COL18A1: variants seen among roughly 807,000 people sequenced by gnomAD.
The protein encoded by COL18A1 is collagen alpha-1(XVIII) chain.
A neutral mutation model predicts 168.0 loss-of-function variants in COL18A1; 133 were observed. The observed-to-expected ratio is 0.79, with a 90% CI of 0.69 to 0.91. COL18A1 has a LOEUF of 0.91. Among genes scored for constraint, COL18A1 ranks in the 40% least tolerant of loss-of-function variants. COL18A1 has a pLI of 0.00. For synonymous variants in COL18A1, 949 were observed against 809.0 expected, an observed-to-expected ratio of 1.17 and a Z score of -2.94; for missense variants, 2,126 against 1,925.4, an observed-to-expected ratio of 1.10 and a Z score of -1.95.
intron 2 of COL18A1, among the ~76,000 whole-genome samples, chr21:45,408,968 C>T (rs1569272187): frequency 6.6e-6 from 1 of 152,242 alleles, no homozygotes; most frequent in Non-Finnish European, 1.5e-5. Context: ...CCAACTGGGC[C>T]TTTGTGCCGG....
At position 45,457,651 on chromosome 21, in the gene COL18A1, G is replaced by A. The variant is rs755305688; in HGVS notation, c.107-10591G>A. Among the ~76,000 whole-genome samples the A allele has an allele frequency of 7.2e-5, 11 of 152,310 alleles. No individual in the cohort carries two copies. The highest frequency in any genetic ancestry group is 3.4e-3 in the Middle Eastern group (1 of 294). On this transcript the variant is annotated intron_variant, in intron 2 of 41. Coordinates refer to ENST00000651438, the MANE Select transcript of COL18A1 (RefSeq NM_001379500.1). This position sits in a 1 kb window ranked among gnomAD's most constrained non-coding sequence, Gnocchi z 4.6. ...CCCTCCTCTGTGTCCGGGAGTAGAC[G>A]GGGCCCCTGAGCTGTGCCTGCCCCA...
At chr21:45,500,875 GGTGTGT>G (rs756570660) in intron 32 of COL18A1, among the ~76,000 whole-genome samples, 1 of 14,230 alleles carries the variant, frequency 7.0e-5, no homozygotes, top group Non-Finnish European at 1.5e-4. Context: ...GGTGTGGTTT[GGTGTGT>G]GTGTGTTGGG....
At chr21:45,451,546 AG>A (rs2034622672) in intron 2 of COL18A1, among the ~76,000 whole-genome samples, 1 of 152,162 alleles carries the variant, frequency 6.6e-6, no homozygotes, top group South Asian at 2.1e-4. Flanking sequence ...TGGCCTTCAC[AG>A]GGATGATGCA....
At chr21:45,491,532 G>C (rs951754477) in intron 22 of COL18A1, among the ~76,000 whole-genome samples, 1 of 137,692 alleles carries the variant, frequency 7.3e-6, no homozygotes, top group Non-Finnish European at 1.6e-5. Context: ...ACCGAGGAGA[G>C]GGGAGGGCCT....
intron 2 of COL18A1, among the ~76,000 whole-genome samples, chr21:45,414,252 A>G (rs1378202493): frequency 6.6e-6 from 1 of 152,010 alleles, no homozygotes; most frequent in Non-Finnish European, 1.5e-5. Flanking sequence ...CTGACCTCTC[A>G]TCTGTTTTGG....
At chr21:45,475,745 C>T (rs1157178551) in intron 5 of COL18A1, among the ~76,000 whole-genome samples, 9 of 152,134 alleles carry the variant, frequency 5.9e-5, no homozygotes, top group Admixed American at 4.6e-4. Context: ...CTGGCCGCCG[C>T]GTGTCTCTGG....
At chr21:45,433,500 G>A (rs2034020853) in intron 2 of COL18A1, among the ~76,000 whole-genome samples, 1 of 152,168 alleles carries the variant, frequency 6.6e-6, no homozygotes, top group Non-Finnish European at 1.5e-5. Context: ...TGCAGGTCTC[G>A]GGTGGATTCA....
At chr21:45,430,751 C>T (rs1446477510) in intron 2 of COL18A1, among the ~76,000 whole-genome samples, 2 of 152,172 alleles carry the variant, frequency 1.3e-5, no homozygotes, top group Non-Finnish European at 2.9e-5. Context: ...GTCAGTGGCC[C>T]GGCTGGCTTT....
chr21:45,412,969 C>T (rs988420232), intron 2 of COL18A1, among the ~76,000 whole-genome samples: 4 of 152,214 alleles, frequency 2.6e-5, no homozygotes, highest in African/African-American at 9.7e-5. Flanking sequence ...GGGCAGGCTG[C>T]TCACCCTCTC....
At position 45,463,055 on chromosome 21, in the gene COL18A1, G is replaced by A. The variant is rs767729628; in HGVS notation, c.107-5187G>A. 3.3e-5 allele frequency among the ~76,000 whole-genome samples: 5 copies of A among 152,008 alleles called. No homozygotes were observed. Among genetic ancestry groups the A allele is most frequent in the East Asian group, 1.9e-4 (1 of 5,190 alleles). Reference sequence around the variant, plus strand: ...ACATGCTGCTGTTTTTCAATGTCCCGTTCTTTCATGTTTGGCTCCCAAAGG... The same window carrying A: ...ACATGCTGCTGTTTTTCAATGTCCCATTCTTTCATGTTTGGCTCCCAAAGG... On this transcript the variant is annotated intron_variant, in intron 2 of 41. Coordinates refer to ENST00000651438, the MANE Select transcript of COL18A1 (RefSeq NM_001379500.1). The surrounding 1 kb of genome is among the most constrained non-coding windows in gnomAD (Gnocchi z 4.0).
rs771198973 is a variant in COL18A1, at chr21:45,473,875, C to CT, written c.652-17dup. The CT allele has an allele frequency of 7.6e-6, 12 of 1,581,904 alleles. No individual in the cohort carries two copies. The highest frequency in any genetic ancestry group is 9.4e-6 in the Non-Finnish European group (11 of 1,164,196). Reference sequence around the variant, plus strand: ...GCCACCTCAGGACCGCTGGTGACCCCTTTCTCTGTCTGCATTTAGGGGGTG... The same window carrying CT: ...GCCACCTCAGGACCGCTGGTGACCCCTTTTCTCTGTCTGCATTTAGGGGGTG... On this transcript the variant is annotated intron_variant, in intron 3 of 41. Transcript: ENST00000651438. The surrounding 1 kb of genome is among the most constrained non-coding windows in gnomAD (Gnocchi z 4.0).
At chr21:45,462,972 C>A (rs1038862089) in intron 2 of COL18A1, among the ~76,000 whole-genome samples, 1 of 152,170 alleles carries the variant, frequency 6.6e-6, no homozygotes, top group African/African-American at 2.4e-5. Flanking sequence ...CTTCTCAGGT[C>A]TTTTCTGAGC....
At chr21:45,488,484 T>C (rs751086813) in intron 18 of COL18A1, 40 bp downstream of exon 18, 13 of 1,613,632 alleles carry the variant, frequency 8.1e-6, no homozygotes, top group Non-Finnish European at 1.0e-5. Flanking sequence ...GGTTGCTGGC[T>C]TGGCCCTGTC....
At position 45,468,708 on chromosome 21, in the gene COL18A1, C is replaced by T. The variant is rs546458908; in HGVS notation, c.573C>T (p.Ser191=). ...EEFQRMPLAR[S]SRGLELEPGA... ...TCCAGAGAATGCCGCTTGCTCGGTCCTCACGGGGCCTGGAGCTGGAGCCTG... is the reference window on the plus strand; with the variant it reads ...TCCAGAGAATGCCGCTTGCTCGGTCTTCACGGGGCCTGGAGCTGGAGCCTG... The change falls in exon 3 of 42, where the codon TCC becomes TCT. Residue 191 remains serine (S), a synonymous_variant. Coordinates refer to ENST00000651438, the MANE Select transcript of COL18A1 (RefSeq NM_001379500.1). 1.2e-5 allele frequency: 19 copies of T among 1,612,988 alleles called. No homozygotes were observed. In the African/African-American group the frequency reaches 2.5e-4, roughly 21 times the overall value.
rs1438585300 is a variant in COL18A1, at chr21:45,423,065, C to G, written c.106+17592C>G. ...CCGACCTCAGGTGATCTGCCCGCAT[C>G]TCCTTCCCAGAGTGTTGGGATTATA... On this transcript the variant is annotated intron_variant, in intron 2 of 41. Transcript: ENST00000651438. The surrounding 1 kb of genome is among the most constrained non-coding windows in gnomAD (Gnocchi z 4.0). 6.6e-6 allele frequency among the ~76,000 whole-genome samples: 1 copy of G among 152,182 alleles called. No homozygotes were observed. The highest frequency in any genetic ancestry group is 1.5e-5 in the Non-Finnish European group (1 of 68,046).
At chr21:45,438,073 G>C (rs1389238095) in intron 2 of COL18A1, among the ~76,000 whole-genome samples, 15 of 87,484 alleles carry the variant, frequency 1.7e-4, no homozygotes, top group South Asian at 4.0e-4. Context: ...CTCACACTCA[G>C]ACAAGCACTC....
At chr21:45,421,220 A>G (rs1380203813) in intron 2 of COL18A1, 10 of 358,050 alleles carry the variant, frequency 2.8e-5, no homozygotes, top group Non-Finnish European at 5.0e-5. Context: ...TGCCGCCCCC[A>G]CCCCCATAGG....
chr21:45,475,579 G>A (rs1454625820), intron 5 of COL18A1, 44 bp downstream of exon 5: 25 of 1,546,722 alleles, frequency 1.6e-5, no homozygotes, highest in Non-Finnish European at 2.2e-5. Context: ...AGGGTCCCGG[G>A]AGAGCCCCTC....
At chr21:45,476,686 A>G (rs1008538040) in intron 6 of COL18A1, among the ~76,000 whole-genome samples, 1 of 141,076 alleles carries the variant, frequency 7.1e-6, no homozygotes, top group Non-Finnish European at 1.6e-5. Flanking sequence ...CATGTTTGTG[A>G]CATGTGTGAT....
Sources: allele counts gnomAD v4.1 joint callset (sites outside exome capture counted in the v4.1 genomes callset), GRCh38; gene constraint gnomAD v4.1.1; non-coding constraint Gnocchi (gnomAD v3.1); transcripts MANE v1.5; gene names NCBI Gene and HGNC (gene_info 2026-07-23, HGNC 2026-07-21).